The following GLIS3 variants were observed in gnomAD, a reference collection of about 807,000 sequenced individuals.
GLIS3 encodes zinc finger protein GLIS3.
GLIS3 carries 53 observed loss-of-function variants against 78.6 expected under a neutral mutation model. The ratio of observed to expected loss-of-function variants is 0.67; its 90% confidence interval spans 0.54 to 0.85. GLIS3 has a LOEUF of 0.85. Ranked by LOEUF, GLIS3 falls within the 40% of genes least tolerant of loss-of-function variation. GLIS3 has a pLI of 0.00. For missense variants in GLIS3, 1,703 were observed against 1,231.1 expected (o/e 1.38, Z -5.74); for synonymous variants, 684 against 509.9 (o/e 1.34, Z -4.60).
chr9:4,316,952 T>G (rs184464009), intron 2 of GLIS3, among the ~76,000 whole-genome samples: 101 of 114,438 alleles, frequency 8.8e-4, no homozygotes, highest in Non-Finnish European at 8.6e-4. Flanking sequence ...GTAAAATTGG[T>G]TTTTTAATAT....
the GLIS3 span, among the ~76,000 whole-genome samples, chr9:4,371,584 G>C: frequency 2.0e-5 from 3 of 152,128 alleles, no homozygotes; most frequent in African/African-American, 7.2e-5. Flanking sequence ...CCCCCAGCCT[G>C]TGCCCCTCCT....
rs773796098 is a variant in GLIS3, at chr9:3,937,106, C to G, written c.1794G>C (p.Leu598Phe). The change falls in exon 5 of 11, where the codon TTG becomes TTC. Residue 598 changes from leucine to phenylalanine, a missense_variant. Transcript: ENST00000381971. ...CCTTCTGACAACCCGGATGCTGGCA[C>G]AAATACGGCTTCTCGCCTGTGTGGC... The part of the protein sequence containing the change: ...LRSHTGEKPY[L>F]CQHPGCQKAF... 6 of 1,613,956 alleles carry G rather than the reference C, an allele frequency of 3.7e-6. No homozygotes were observed. The East Asian group carries it at 1.1e-4, about 30-fold the overall frequency.
chr9:3,900,774 T>C (rs1823234897), intron 6 of GLIS3: 2 of 152,092 alleles, frequency 1.3e-5, no homozygotes, highest in Admixed American at 6.5e-5. Flanking sequence ...CTTTCAGTAG[T>C]ACTATTATGA....
intron 4 of GLIS3, among the ~76,000 whole-genome samples, chr9:4,103,018 T>G (rs141111414): frequency 5.3e-4 from 81 of 152,188 alleles, no homozygotes; most frequent in Non-Finnish European, 8.4e-4. Context: ...GGACATGACA[T>G]AACACTCCAG....
At chr9:3,939,906 T>G (rs1826107777) in intron 4 of GLIS3, among the ~76,000 whole-genome samples, 1 of 152,166 alleles carries the variant, frequency 6.6e-6, no homozygotes, top group East Asian at 1.9e-4. Flanking sequence ...AATGCCTTGG[T>G]GAGGTGCCAA....
intron 4 of GLIS3, among the ~76,000 whole-genome samples, chr9:3,963,892 G>C (rs1346548197): frequency 2.0e-5 from 3 of 152,044 alleles, no homozygotes; most frequent in South Asian, 2.1e-4. Flanking sequence ...TTTCATTTCT[G>C]AATCTGATTG....
chr9:4,215,552 A>AT (rs1393007070), intron 2 of GLIS3, among the ~76,000 whole-genome samples: 2 of 152,114 alleles, frequency 1.3e-5, no homozygotes, highest in African/African-American at 4.8e-5. Flanking sequence ...CTCTGCTTTC[A>AT]TTTTCCAAAT....
At chr9:4,317,401 C>T (rs974599046) in intron 2 of GLIS3, among the ~76,000 whole-genome samples, 1 of 152,176 alleles carries the variant, frequency 6.6e-6, no homozygotes, top group African/African-American at 2.4e-5. Context: ...ACACACATTT[C>T]CCGAGACATT....
In GLIS3 at chr9:4,172,779, C is replaced by G. The variant is rs144038249; in HGVS notation, c.389-46838G>C. Among the ~76,000 whole-genome samples the G allele has an allele frequency of 5.6e-4, 86 of 152,262 alleles. 1 individual carries two copies. The East Asian group carries it at 0.016, about 28-fold the overall frequency. ...AACTCAAGCTATGCAATACCAATCA[C>G]TGTTAGAAAGACTGCAAGCTCCTTG... On this transcript the variant is annotated intron_variant, in intron 2 of 10. Transcript: ENST00000381971.
the GLIS3 span, among the ~76,000 whole-genome samples, chr9:4,374,293 A>G: frequency 3.3e-5 from 5 of 152,306 alleles, no homozygotes; most frequent in Admixed American, 1.3e-4. Flanking sequence ...TAAATCCTCT[A>G]TATCTTACTC....
At chr9:3,871,240 C>T (rs1480811545) in intron 8 of GLIS3, among the ~76,000 whole-genome samples, 1 of 152,192 alleles carries the variant, frequency 6.6e-6, no homozygotes, top group Non-Finnish European at 1.5e-5. Context: ...CTCCTGGTTG[C>T]TTTCATGGGC....
intron 2 of GLIS3, among the ~76,000 whole-genome samples, chr9:4,182,978 C>G (rs1424865105): frequency 2.6e-5 from 4 of 152,214 alleles, no homozygotes; most frequent in Non-Finnish European, 5.9e-5. Context: ...CACCCCACCG[C>G]TCACACTCTA....
the GLIS3 span, among the ~76,000 whole-genome samples, chr9:4,471,645 T>G: frequency 6.6e-6 from 1 of 152,084 alleles, no homozygotes. Flanking sequence ...TCTAAAACCA[T>G]AAAAACCCTA....
intron 2 of GLIS3, among the ~76,000 whole-genome samples, chr9:4,335,001 C>T (rs1307948029): frequency 7.4e-5 from 11 of 148,198 alleles, no homozygotes; most frequent in Non-Finnish European, 1.0e-4. Context: ...CTCCACCTCC[C>T]GGGTTCATGC....
the GLIS3 span, among the ~76,000 whole-genome samples, chr9:4,415,158 G>T: frequency 6.6e-6 from 1 of 152,124 alleles, no homozygotes; most frequent in African/African-American, 2.4e-5. Flanking sequence ...ATGATAGAAG[G>T]TGTAAATCCA....
intron 2 of GLIS3, among the ~76,000 whole-genome samples, chr9:4,162,064 C>T (rs994268292): frequency 6.6e-6 from 1 of 152,070 alleles, no homozygotes; most frequent in Non-Finnish European, 1.5e-5. Flanking sequence ...CCTTCCTTGC[C>T]CCTTCCCAGC....
the GLIS3 span, among the ~76,000 whole-genome samples, chr9:4,465,213 G>C: frequency 2.6e-5 from 4 of 152,186 alleles, no homozygotes; most frequent in East Asian, 3.9e-4. Flanking sequence ...TGTAAGAATG[G>C]AGGAAATTTA....
chr9:3,878,219 C>T (rs140188605), intron 8 of GLIS3, among the ~76,000 whole-genome samples: 71 of 152,112 alleles, frequency 4.7e-4, no homozygotes, highest in African/African-American at 1.6e-3. Flanking sequence ...GATTTAGAGA[C>T]ATCCTCTTTA....
the GLIS3 span, among the ~76,000 whole-genome samples, chr9:4,462,052 G>C: frequency 6.6e-6 from 1 of 152,196 alleles, no homozygotes; most frequent in Admixed American, 6.5e-5. Flanking sequence ...AGTACACGAA[G>C]TGAGTTGGCA....
Sources: allele counts gnomAD v4.1 joint callset (sites outside exome capture counted in the v4.1 genomes callset), GRCh38; gene constraint gnomAD v4.1.1; transcripts MANE v1.5; gene names NCBI Gene and HGNC (gene_info 2026-07-23, HGNC 2026-07-21).